IQSEC1: variants seen among roughly 807,000 people sequenced by gnomAD.
IQSEC1 encodes IQ motif and Sec7 domain ArfGEF 1.
A neutral mutation model predicts 91.0 loss-of-function variants in IQSEC1; 31 were observed. The observed-to-expected ratio is 0.34, with a 90% CI of 0.26 to 0.46. The LOEUF (loss-of-function observed/expected upper bound fraction) is 0.46. Among genes scored for constraint, IQSEC1 ranks in the 20% least tolerant of loss-of-function variants. The pLI is 1.00. For missense variants in IQSEC1, 1,388 were observed against 1,575.6 expected (o/e 0.88, Z 2.02); for synonymous variants, 699 against 662.6 (o/e 1.05, Z -0.84).
chr3:13,140,170 T>C (rs557790380), intron 2 of IQSEC1, among the ~76,000 whole-genome samples: 2 of 152,162 alleles, frequency 1.3e-5, no homozygotes, highest in Non-Finnish European at 2.9e-5. Context: ...CTTCCTTGCC[T>C]TCCCTCTGCC....
At position 12,940,695 on chromosome 3, in the gene IQSEC1, G is replaced by A. The variant is rs114052379; in HGVS notation, c.318+876C>T. Among the ~76,000 whole-genome samples, 367 of 152,218 alleles carry A rather than the reference G, an allele frequency of 2.4e-3. 1 individual carries two copies. Among genetic ancestry groups the A allele is most frequent in the African/African-American group, 7.4e-3 (308 of 41,552 alleles). On this transcript the variant is annotated intron_variant, in intron 2 of 13. Coordinates refer to ENST00000613206, the MANE Select transcript of IQSEC1 (RefSeq NM_001134382.3). This position sits in a 1 kb window ranked among gnomAD's most constrained non-coding sequence, Gnocchi z 4.4. ...TTGCAGAACTGCTGCCTGGGAGCCC[G>A]GGTTCTCTTGAAGCCTCAAACTGCT...
intron 1 of IQSEC1, among the ~76,000 whole-genome samples, chr3:13,206,135 A>G (rs773787212): frequency 2.4e-5 from 3 of 124,966 alleles, no homozygotes; most frequent in Non-Finnish European, 3.4e-5. Context: ...CCACTCATCA[A>G]TCCCTCCATC....
rs539148503 is a variant in IQSEC1, at chr3:12,899,768, G to A, written c.*1215C>T. On this transcript the variant is annotated 3_prime_UTR_variant, in exon 14 of 14. Transcript: ENST00000613206. ...AACGCTAAAGTCAACCTTCAGGTTC[G>A]AGAGTGGTTCCTGATGAAAACACTC... The A allele has an allele frequency of 1.9e-5, 19 of 985,266 alleles. No individual in the cohort carries two copies. The highest frequency in any genetic ancestry group is 4.7e-5 in the South Asian group (1 of 21,284). The allele number at this position is 985,266 out of a possible 1,614,324, so 61.0% of individuals were successfully genotyped here. A position where few individuals can be genotyped will look rare whatever the true frequency, so the allele number is the denominator to read the frequency against.
chr3:13,036,649 C>G (rs973752689), intron 1 of IQSEC1, among the ~76,000 whole-genome samples: 22 of 152,152 alleles, frequency 1.4e-4, no homozygotes, highest in African/African-American at 4.8e-4. Flanking sequence ...GGGTGCCCGA[C>G]AGCCCTGGAT....
At chr3:13,075,771 C>G (rs1231922252), upstream of IQSEC1, among the ~76,000 whole-genome samples, 1 of 152,224 alleles carries the variant, frequency 6.6e-6, no homozygotes, top group African/African-American at 2.4e-5. Context: ...GTTTTGATTT[C>G]TGACATTCAA....
intron 1 of IQSEC1, among the ~76,000 whole-genome samples, chr3:13,253,614 T>A (rs1349776524): frequency 6.6e-6 from 1 of 152,232 alleles, no homozygotes; most frequent in East Asian, 1.9e-4. Context: ...GTAGTCAGCA[T>A]TTGATTTCTA....
At chr3:13,013,114 C>G (rs1210498493) in intron 1 of IQSEC1, among the ~76,000 whole-genome samples, 1 of 152,128 alleles carries the variant, frequency 6.6e-6, no homozygotes, top group South Asian at 2.1e-4. Flanking sequence ...GCATGCGCCA[C>G]CACGCCCGGC....
Position 12,983,645 on chromosome 3 carries a change from T to A in IQSEC1, c.24-41780A>T, listed in dbSNP as rs1701578678. Among the ~76,000 whole-genome samples the A allele has an allele frequency of 6.6e-6, 1 of 152,146 alleles. No homozygotes were observed. Among genetic ancestry groups the A allele is most frequent in the Non-Finnish European group, 1.5e-5 (1 of 68,026 alleles). Reference sequence around the variant, plus strand: ...GATTCCACCTTCTTGGCTCAGCTCCTTCAGGGACGCCTGGGCTGACCTCAC... The same window carrying A: ...GATTCCACCTTCTTGGCTCAGCTCCATCAGGGACGCCTGGGCTGACCTCAC... On this transcript the variant is annotated intron_variant, in intron 1 of 13. Transcript: ENST00000613206. The surrounding 1 kb of genome is among the most constrained non-coding windows in gnomAD (Gnocchi z 4.3).
At chr3:13,250,479 C>T (rs1205495248) in intron 1 of IQSEC1, among the ~76,000 whole-genome samples, 2 of 147,348 alleles carry the variant, frequency 1.4e-5, no homozygotes, top group Non-Finnish European at 3.0e-5. Flanking sequence ...AGTGCAGTGG[C>T]TTGATCTTGG....
chr3:12,919,877 G>A (rs964357879), intron 6 of IQSEC1, among the ~76,000 whole-genome samples: 1 of 152,174 alleles, frequency 6.6e-6, no homozygotes, highest in East Asian at 1.9e-4. Context: ...CTCGCTGCCT[G>A]TAGACTCCGC....
rs1240404922 is a variant in IQSEC1, at chr3:12,922,780, G to T, written c.1731-538C>A. On this transcript the variant is annotated intron_variant, in intron 4 of 13. Transcript: ENST00000613206. The surrounding 1 kb of genome is among the most constrained non-coding windows in gnomAD (Gnocchi z 5.1). Reference sequence around the variant, plus strand: ...AAGGGCCATGCACCCTCATCTGTGGGGCAGGGCCTGGAGGGGCGGCTGATG... The same window carrying T: ...AAGGGCCATGCACCCTCATCTGTGGTGCAGGGCCTGGAGGGGCGGCTGATG... Among the ~76,000 whole-genome samples the T allele has an allele frequency of 6.6e-6, 1 of 152,114 alleles. No individual in the cohort carries two copies. Among genetic ancestry groups the T allele is most frequent in the African/African-American group, 2.4e-5 (1 of 41,422 alleles).
chr3:13,196,055 G>A (rs1018849553), intron 1 of IQSEC1, among the ~76,000 whole-genome samples: 54 of 152,286 alleles, frequency 3.5e-4, no homozygotes, highest in African/African-American at 1.3e-3. Context: ...TTTTACAAAA[G>A]AGGCAATACA....
At chr3:13,038,262 G>GTGTGTATATA (rs1491471643) in intron 1 of IQSEC1, among the ~76,000 whole-genome samples, 18 of 101,210 alleles carry the variant, frequency 1.8e-4, no homozygotes, top group African/African-American at 5.8e-4. Context: ...GTGTGTGTGT[G>GTGTGTATATA]TATATATATA....
chr3:13,184,542 G>A (rs1693898982), intron 1 of IQSEC1, among the ~76,000 whole-genome samples: 1 of 152,108 alleles, frequency 6.6e-6, no homozygotes, highest in East Asian at 1.9e-4. Context: ...CGAGAACCGG[G>A]CCAGGACCTG....
At chr3:13,004,377 T>A (rs1194773810) in intron 1 of IQSEC1, among the ~76,000 whole-genome samples, 5 of 152,172 alleles carry the variant, frequency 3.3e-5, no homozygotes, top group African/African-American at 1.2e-4. Context: ...CCCTCAGGTG[T>A]TGAGATGCAG....
At chr3:13,021,686 C>T (rs1334479659) in intron 1 of IQSEC1, among the ~76,000 whole-genome samples, 1 of 152,216 alleles carries the variant, frequency 6.6e-6, no homozygotes. Flanking sequence ...CGCGTGTGAG[C>T]CCCATTTCGC....
chr3:13,117,622 G>A (rs1459104617), intron 2 of IQSEC1, among the ~76,000 whole-genome samples: 4 of 139,568 alleles, frequency 2.9e-5, no homozygotes, highest in Non-Finnish European at 4.6e-5. Flanking sequence ...TGCAGTGGCT[G>A]ATGCCTATAA....
At chr3:13,071,997 C>T (rs1705448520) in intron 1 of IQSEC1, among the ~76,000 whole-genome samples, 1 of 152,254 alleles carries the variant, frequency 6.6e-6, no homozygotes, top group Non-Finnish European at 1.5e-5. Context: ...TTCCACAGGC[C>T]CCTGCCATGG....
Position 12,923,250 on chromosome 3 carries a change from G to A in IQSEC1, c.1731-1008C>T, listed in dbSNP as rs117835034. On this transcript the variant is annotated intron_variant, in intron 4 of 13. Transcript: ENST00000613206. ...TTCTGACCTGAGGAAAACAATGTGC[G>A]GATTTCCTAAGGACCAGGGACCGGC... is the stretch of plus-strand genomic sequence containing the variant. Among the ~76,000 whole-genome samples, 15 of 152,320 alleles carry A rather than the reference G, an allele frequency of 9.8e-5. No homozygotes were observed. In the East Asian group the frequency reaches 2.3e-3, roughly 23 times the overall value.
Sources: allele counts gnomAD v4.1 joint callset (sites outside exome capture counted in the v4.1 genomes callset), GRCh38; gene constraint gnomAD v4.1.1; non-coding constraint Gnocchi (gnomAD v3.1); transcripts MANE v1.5; gene names NCBI Gene and HGNC (gene_info 2026-07-23, HGNC 2026-07-21).